The following PIEZO1 variants were observed in gnomAD, a reference collection of about 807,000 sequenced individuals.
PIEZO1 encodes piezo type mechanosensitive ion channel component 1 (Er blood group).
Under a neutral mutation model 297.2 loss-of-function variants are expected in PIEZO1, and 296 were observed. The observed-to-expected ratio is 1.00, with a 90% CI of 0.91 to 1.10. The LOEUF is 1.10. Ranked by LOEUF, PIEZO1 falls within the 50% of genes least tolerant of loss-of-function variation. PIEZO1 has a pLI of 0.00. For synonymous variants in PIEZO1, 2,427 were observed against 1,507.5 expected (o/e 1.61, Z -14.13); for missense variants, 5,018 against 3,455.5 (o/e 1.45, Z -11.34).
At chr16:88,765,608 G>A (rs1907139035) in intron 1 of PIEZO1, among the ~76,000 whole-genome samples, 2 of 152,112 alleles carry the variant, frequency 1.3e-5, no homozygotes, top group South Asian at 2.1e-4. Flanking sequence ...GCAAGGGGCT[G>A]GACAGCAGCG....
At chr16:88,715,905 C>A (rs906028569) in intron 50 of PIEZO1, 28 bp downstream of exon 50, 2 of 1,532,912 alleles carry the variant, frequency 1.3e-6, no homozygotes, top group Non-Finnish European at 1.8e-6. Context: ...CCCCGAGCTG[C>A]GGGGTGCCCC....
chr16:88,733,188 C>T (rs1904984482), intron 19 of PIEZO1, 90 bp downstream of exon 19: 2 of 1,243,304 alleles, frequency 1.6e-6, no homozygotes, highest in Non-Finnish European at 2.2e-6. Context: ...GCTGGCCCCA[C>T]TGCACTGAGG....
rs1905120510 is a variant in PIEZO1, at chr16:88,735,145, C to T, written c.1659G>A (p.Val553=). 1.3e-6 allele frequency: 2 copies of T among 1,549,994 alleles called. No individual in the cohort carries two copies. The highest frequency in any genetic ancestry group is 1.2e-5 in the South Asian group (1 of 84,058). The change falls in exon 13 of 51, where the codon GTG becomes GTA. Residue 553 remains valine, a synonymous_variant. Coordinates refer to ENST00000301015, the MANE Select transcript of PIEZO1 (RefSeq NM_001142864.4). ...ESPAALTEVT[V]ADTEPTRTQT... ...TGGCCCACCACTCACCTGTGTCTGC[C>T]ACGGTGACCTCCGTCAGCGCAGCTG...
intron 18 of PIEZO1, 57 bp from the exon 19 acceptor site, chr16:88,733,511 TG>T: frequency 2.0e-6 from 3 of 1,531,880 alleles, no homozygotes; most frequent in Non-Finnish European, 2.6e-6. Context: ...CACGTGGGGC[TG>T]GGCTTGGGGA....
In PIEZO1 at chr16:88,721,948, A is replaced by G. The variant is rs995655988; in HGVS notation, c.5074T>C (p.Tyr1692His). Residue 1692 changes from tyrosine to histidine, a missense_variant, in exon 37 of 51, where the codon TAC becomes CAC. Transcript: ENST00000301015. ...CVAAHSELLC[Y>H]FIIILNHMVT... Reference sequence around the variant, plus strand: ...ATGTGGTTGAGGATGATGATGAAGTAGCAGAGCAGCTCCGAGTGGGCGGCC... The same window carrying G: ...ATGTGGTTGAGGATGATGATGAAGTGGCAGAGCAGCTCCGAGTGGGCGGCC... The G allele has an allele frequency of 1.9e-6, 3 of 1,550,144 alleles. No homozygotes were observed. Among genetic ancestry groups the G allele is most frequent in the Non-Finnish European group, 2.6e-6 (3 of 1,146,806 alleles).
Position 88,721,367 on chromosome 16 carries a change from C to T in PIEZO1, c.5467G>A (p.Glu1823Lys), listed in dbSNP as rs1340628202. 6.5e-7 allele frequency: 1 copy of T among 1,549,588 alleles called. No individual in the cohort carries two copies. Among genetic ancestry groups the T allele is most frequent in the Non-Finnish European group, 8.7e-7 (1 of 1,146,910 alleles). ...GGCCCCTCCTCGGCTCCCTGCTCCT[C>T]CTCGCCGCTCTTGTCATGCTCCTTG... ...PSKEHDKSGEEEQGAEEGPGV... is the reference protein window; with the variant it reads ...PSKEHDKSGEKEQGAEEGPGV... The change falls in exon 39 of 51, where the codon GAG (glutamate) becomes AAG (lysine). Residue 1823 changes from glutamate to lysine, a missense_variant. Physicochemically the swap from Glu to Lys is moderately conservative, Grantham distance 56. Transcript: ENST00000301015.
chr16:88,749,131 C>T lies in PIEZO1; in HGVS notation c.160+253G>A, dbSNP rs564042356. 8.4e-3 allele frequency among the ~76,000 whole-genome samples: 1,270 copies of T among 150,566 alleles called. 8 individuals carry two copies. Among genetic ancestry groups the T allele is most frequent in the Non-Finnish European group, 0.014 (920 of 67,646 alleles). ...GGCGGGCGCCTGTAGTCCCAGCTAC[C>T]CGGGAGGCTGAGGCAGGAGAATGGC... is the stretch of plus-strand genomic sequence containing the variant. On this transcript the variant is annotated intron_variant, in intron 2 of 50. Coordinates refer to ENST00000301015, the MANE Select transcript of PIEZO1 (RefSeq NM_001142864.4).
In PIEZO1 at chr16:88,733,949, C is replaced by A; in HGVS notation, c.2286G>T (p.Gly762=). The A allele has an allele frequency of 6.5e-7, 1 of 1,546,494 alleles. No homozygotes were observed. The highest frequency in any genetic ancestry group is 8.7e-7 in the Non-Finnish European group (1 of 1,144,786). The part of the protein sequence containing the change: ...EEEEEDSRDE[G]LGVATPHQAT... ...CCTGGTGGGGAGTGGCCACGCCCAG[C>A]CCCTCGTCCCTGGAGTCCTCCTCCT... The change falls in exon 17 of 51, where the codon GGG becomes GGT. Residue 762 remains glycine (G), a synonymous_variant. Coordinates refer to ENST00000301015, the MANE Select transcript of PIEZO1 (RefSeq NM_001142864.4).
rs538142617 is a variant in PIEZO1 at position 88,715,507 on chromosome 16, G to T, written c.*98C>A. ...GGATGCATCACAGCTGGCGGCCTTG[G>T]ACGGGGCAGTGGCTCCCCCGGCCTG... On this transcript the variant is annotated 3_prime_UTR_variant, in exon 51 of 51. Transcript: ENST00000301015. The T allele has an allele frequency of 1.1e-5, 14 of 1,283,080 alleles. No individual in the cohort carries two copies. Among genetic ancestry groups the T allele is most frequent in the East Asian group, 5.1e-5 (2 of 39,570 alleles). 79.5% of individuals were successfully genotyped at this position (1,283,080 alleles called of 1,614,324 possible).
Position 88,721,372 on chromosome 16 carries a change from C to A in PIEZO1, c.5462G>T (p.Gly1821Val). The A allele has an allele frequency of 6.5e-7, 1 of 1,549,668 alleles. No individual in the cohort carries two copies. The change falls in exon 39 of 51, where the codon GGC becomes GTC. Residue 1821 changes from glycine to valine, a missense_variant. Coordinates refer to ENST00000301015, the MANE Select transcript of PIEZO1 (RefSeq NM_001142864.4). ...CTCCTCGGCTCCCTGCTCCTCCTCG[C>A]CGCTCTTGTCATGCTCCTTGGATGG... is the stretch of plus-strand genomic sequence containing the variant. ...DSPSKEHDKS[G>V]EEEQGAEEGP...
chr16:88,738,197 G>A (rs1341333614), intron 7 of PIEZO1, 30 bp downstream of exon 7: 5 of 1,534,490 alleles, frequency 3.3e-6, no homozygotes, highest in Admixed American at 2.0e-5. Flanking sequence ...CAGGGTGGCA[G>A]GAAAAAGGGG....
At chr16:88,732,946 G>A (rs995523876) in intron 19 of PIEZO1, 3 of 594,424 alleles carry the variant, frequency 5.0e-6, no homozygotes, top group African/African-American at 3.7e-5. Flanking sequence ...GTGAAGAGAG[G>A]TCCAGGGAGA....
chr16:88,742,520 C>G, intron 2 of PIEZO1, 98 bp from the exon 3 acceptor site: 1 of 1,324,314 alleles, frequency 7.6e-7, no homozygotes, highest in African/African-American at 1.5e-5. Context: ...CGGCCAGAGC[C>G]CAGAGGCCTG....
Position 88,721,203 on chromosome 16 carries a change from C to T in PIEZO1, c.5631G>A (p.Lys1877=), listed in dbSNP as rs1567661025. ...RRISLRFRRR[K]KEGPARKGAA... ...CTCCTTTCCGTGCTGGGCCCTCCTTCTTCCTTCTTCTAAAACGTAGACTGA... is the reference window on the plus strand; with the variant it reads ...CTCCTTTCCGTGCTGGGCCCTCCTTTTTCCTTCTTCTAAAACGTAGACTGA... Residue 1877 remains lysine (K), a synonymous_variant, in exon 39 of 51, where the codon AAG becomes AAA. Coordinates refer to ENST00000301015, the MANE Select transcript of PIEZO1 (RefSeq NM_001142864.4). 3.4e-6 allele frequency: 5 copies of T among 1,455,046 alleles called. No individual in the cohort carries two copies. Among genetic ancestry groups the T allele is most frequent in the Admixed American group, 2.3e-5 (1 of 44,172 alleles). 90.1% of individuals were successfully genotyped at this position (1,455,046 alleles called of 1,614,324 possible). A position where few individuals can be genotyped will look rare whatever the true frequency, so the allele number is the denominator to read the frequency against.
chr16:88,773,279 C>G (rs1907508870), intron 1 of PIEZO1, among the ~76,000 whole-genome samples: 1 of 152,226 alleles, frequency 6.6e-6, no homozygotes, highest in African/African-American at 2.4e-5. Flanking sequence ...GGACAGCCCT[C>G]CAAGAGTGGG....
intron 22 of PIEZO1, 64 bp from the exon 23 acceptor site, chr16:88,727,725 C>T (rs1359429858): frequency 2.6e-6 from 2 of 769,446 alleles, no homozygotes; most frequent in South Asian, 4.9e-5. Flanking sequence ...CACCCGGTCC[C>T]CACCCGTTGA....
At chr16:88,735,581 G>A (rs1259793412) in intron 12 of PIEZO1, among the ~76,000 whole-genome samples, 4 of 152,270 alleles carry the variant, frequency 2.6e-5, no homozygotes, top group South Asian at 4.1e-4. Flanking sequence ...GCCCACATGC[G>A]TGCTCACATA....
intron 22 of PIEZO1, among the ~76,000 whole-genome samples, chr16:88,728,557 A>G (rs1358599623): frequency 4.8e-5 from 5 of 104,064 alleles, no homozygotes; most frequent in East Asian, 6.0e-4. Flanking sequence ...CGACCCAAAA[A>G]CAAAGTGACC....
At position 88,721,387 on chromosome 16, in the gene PIEZO1, T is replaced by G; in HGVS notation, c.5447A>C (p.Glu1816Ala). The stretch of plus-strand genomic sequence containing the variant: ...CTCCTCCTCGCCGCTCTTGTCATGC[T>G]CCTTGGATGGTGAGTCCTCCTCATG... ...WDHEEDSPSKEHDKSGEEEQG... is the reference protein window; with the variant it reads ...WDHEEDSPSKAHDKSGEEEQG... Residue 1816 changes from glutamate to alanine, a missense_variant, in exon 39 of 51, where the codon GAG becomes GCG. Glu to Ala is a moderately radical substitution (Grantham distance 107). Transcript: ENST00000301015. 1 of 1,549,776 alleles carries G rather than the reference T, an allele frequency of 6.5e-7. No homozygotes were observed. The highest frequency in any genetic ancestry group is 8.7e-7 in the Non-Finnish European group (1 of 1,146,816).
Sources: gnomAD v4.1 joint callset for allele counts (sites outside exome capture counted in the v4.1 genomes callset) on GRCh38, gnomAD v4.1.1 for gene constraint, MANE v1.5 for transcripts, NCBI Gene and HGNC (gene_info 2026-07-23, HGNC 2026-07-21) for gene names.